PTPRN2: variants seen among roughly 807,000 people sequenced by gnomAD.
The protein encoded by PTPRN2 is protein tyrosine phosphatase receptor type N2, also known as receptor-type tyrosine-protein phosphatase N2.
A neutral mutation model predicts 118.8 loss-of-function variants in PTPRN2; 74 were observed. The observed-to-expected ratio is 0.62, with a 90% CI of 0.52 to 0.76. The LOEUF (loss-of-function observed/expected upper bound fraction) is 0.76, where lower values mean the gene tolerates loss of function less well. Ranked by LOEUF, PTPRN2 falls within the 30% of genes least tolerant of loss-of-function variation. The pLI is 0.00. For synonymous variants in PTPRN2, 641 were observed against 608.0 expected (o/e 1.05, Z -0.80); for missense variants, 1,481 against 1,394.4 (o/e 1.06, Z -0.99).
intron 14 of PTPRN2, among the ~76,000 whole-genome samples, chr7:157,634,208 C>T (rs1294868865): frequency 1.3e-5 from 2 of 152,188 alleles, no homozygotes; most frequent in Non-Finnish European, 2.9e-5. Context: ...CCTCACAGAA[C>T]CACAGCAAGG....
chr7:158,098,160 A>G (rs1299680722), intron 10 of PTPRN2, among the ~76,000 whole-genome samples: 1 of 152,214 alleles, frequency 6.6e-6, no homozygotes, highest in Non-Finnish European at 1.5e-5. Flanking sequence ...GCACGCAGGC[A>G]CCAGAACTCA....
intron 9 of PTPRN2, among the ~76,000 whole-genome samples, chr7:158,121,512 A>C (rs2150394569): frequency 6.6e-6 from 1 of 152,298 alleles, no homozygotes; most frequent in East Asian, 1.9e-4. Context: ...GCATAAGCCA[A>C]CTTCCCAATC....
intron 12 of PTPRN2, among the ~76,000 whole-genome samples, chr7:157,778,676 T>C (rs1226679903): frequency 1.3e-5 from 2 of 151,124 alleles, no homozygotes; most frequent in Admixed American, 1.3e-4. Context: ...CACGTAAACA[T>C]GTCCATGTGA....
At chr7:158,541,553 A>G (rs1449070999) in intron 1 of PTPRN2, 1 of 1,352,114 alleles carries the variant, frequency 7.4e-7, no homozygotes, top group Non-Finnish European at 9.8e-7. Flanking sequence ...ACATCTTCAT[A>G]GTAGGAAAGC....
Position 158,411,886 on chromosome 7 carries a change from G to C in PTPRN2, c.163+77849C>G, listed in dbSNP as rs374953134. Among the ~76,000 whole-genome samples, 75 of 152,232 alleles carry C rather than the reference G, an allele frequency of 4.9e-4. 2 individuals carry two copies. The South Asian group carries it at 0.015, about 31-fold the overall frequency. Reference sequence around the variant, plus strand: ...TTAGGCTGCCGTGAGGGTGAAATGAGGCTGCGCACATGAGACTGGGGCTGA... The same window carrying C: ...TTAGGCTGCCGTGAGGGTGAAATGACGCTGCGCACATGAGACTGGGGCTGA... On this transcript the variant is annotated intron_variant, in intron 2 of 22. Transcript: ENST00000389418.
At chr7:158,375,745 G>A (rs543274743) in intron 2 of PTPRN2, among the ~76,000 whole-genome samples, 19 of 152,286 alleles carry the variant, frequency 1.2e-4, no homozygotes, top group African/African-American at 4.3e-4. Flanking sequence ...ACAGAAGAGT[G>A]GCGTGTCAGG....
chr7:157,897,267 C>T (rs1419845388), intron 12 of PTPRN2, among the ~76,000 whole-genome samples: 1 of 152,146 alleles, frequency 6.6e-6, no homozygotes, highest in Admixed American at 6.5e-5. Flanking sequence ...TCACATCTTC[C>T]ACATGCAGGA....
chr7:158,097,545 G>T (rs1184720889), intron 10 of PTPRN2, among the ~76,000 whole-genome samples: 2 of 152,202 alleles, frequency 1.3e-5, no homozygotes, highest in African/African-American at 4.8e-5. Context: ...ATCTGGAAGA[G>T]AACTGTCACA....
rs11765614 is a variant in PTPRN2 at position 157,652,525 on chromosome 7, C to T, written c.2196+3832G>A. On this transcript the variant is annotated intron_variant, in intron 14 of 22. Coordinates refer to ENST00000389418, the MANE Select transcript of PTPRN2 (RefSeq NM_002847.5). ...CTGACCACCTGCTGTCATGGCAGAG[C>T]GGGGGACCCAGCGGCTGCCCCAATG... Among the ~76,000 whole-genome samples the T allele has an allele frequency of 5.6e-3, 858 of 152,326 alleles. 3 individuals are homozygous for T. Among genetic ancestry groups the T allele is most frequent in the Non-Finnish European group, 0.01 (693 of 68,020 alleles).
chr7:157,634,538 A>T (rs1308868822), intron 14 of PTPRN2, among the ~76,000 whole-genome samples: 1 of 152,190 alleles, frequency 6.6e-6, no homozygotes. Context: ...GCAACTCCTG[A>T]AACACAGACC....
At chr7:157,747,848 T>A (rs1801096145) in intron 12 of PTPRN2, among the ~76,000 whole-genome samples, 1 of 135,260 alleles carries the variant, frequency 7.4e-6, no homozygotes. Flanking sequence ...GCTGTCCGGG[T>A]GATTCTGAGG....
At position 158,022,457 on chromosome 7, in the gene PTPRN2, C is replaced by T. The variant is rs954837357; in HGVS notation, c.1723+58841G>A. On this transcript the variant is annotated intron_variant, in intron 11 of 22. Transcript: ENST00000389418. This position sits in a 1 kb window ranked among gnomAD's most constrained non-coding sequence, Gnocchi z 4.6. ...GTGTTCACAGCCAAGGCCCCGGCAC[C>T]TGGGCACTCTGGGGCAGCCCGTAAT... Among the ~76,000 whole-genome samples, 1 of 152,100 alleles carries T rather than the reference C, an allele frequency of 6.6e-6. No homozygotes were observed. Among genetic ancestry groups the T allele is most frequent in the Non-Finnish European group, 1.5e-5 (1 of 68,034 alleles).
chr7:158,085,591 G>T (rs1425591386), intron 10 of PTPRN2, among the ~76,000 whole-genome samples: 1 of 63,932 alleles, frequency 1.6e-5, no homozygotes, highest in Non-Finnish European at 2.9e-5. Context: ...CGCCCATCCA[G>T]ATACCCATCC....
intron 13 of PTPRN2, among the ~76,000 whole-genome samples, chr7:157,681,534 T>G (rs1796916235): frequency 6.6e-6 from 1 of 152,218 alleles, no homozygotes. Context: ...ACTGGAGGCT[T>G]CCTCCATTCA....
At chr7:158,125,434 G>A (rs943418127) in intron 9 of PTPRN2, among the ~76,000 whole-genome samples, 3 of 152,166 alleles carry the variant, frequency 2.0e-5, no homozygotes, top group East Asian at 1.9e-4. Flanking sequence ...CTGGACTGTC[G>A]GGGATGCTGA....
intron 2 of PTPRN2, among the ~76,000 whole-genome samples, chr7:158,389,929 C>G (rs1283761142): frequency 6.6e-6 from 1 of 152,240 alleles, no homozygotes; most frequent in African/African-American, 2.4e-5. Context: ...CGTGGTGAGG[C>G]AGCCCCAGGT....
chr7:158,107,058 C>T (rs1265372360), intron 10 of PTPRN2, among the ~76,000 whole-genome samples: 1 of 152,128 alleles, frequency 6.6e-6, no homozygotes, highest in Non-Finnish European at 1.5e-5. Context: ...TCACAAGAAA[C>T]CAAGGTGGTG....
chr7:157,626,598 T>C (rs1338468275), intron 14 of PTPRN2, among the ~76,000 whole-genome samples: 1 of 152,204 alleles, frequency 6.6e-6, no homozygotes, highest in Non-Finnish European at 1.5e-5. Flanking sequence ...GTGGCATTCG[T>C]CACATTCTTC....
intron 12 of PTPRN2, among the ~76,000 whole-genome samples, chr7:157,730,840 T>G (rs1381304681): frequency 6.6e-6 from 1 of 152,172 alleles, no homozygotes; most frequent in Non-Finnish European, 1.5e-5. Flanking sequence ...GGGAGGGCTC[T>G]GACCTCGGCG....
Sources: allele counts gnomAD v4.1 joint callset (sites outside exome capture counted in the v4.1 genomes callset), GRCh38; gene constraint gnomAD v4.1.1; non-coding constraint Gnocchi (gnomAD v3.1); transcripts MANE v1.5; gene names NCBI Gene and HGNC (gene_info 2026-07-23, HGNC 2026-07-21).